RAB33A: variants seen among roughly 807,000 people sequenced by gnomAD.
RAB33A encodes RAB33A, member RAS oncogene family.
In RAB33A, 6 loss-of-function variants were observed where a neutral mutation model predicts 12.0. That is an observed-to-expected ratio of 0.50 (90% CI 0.27 to 0.99). The LOEUF (loss-of-function observed/expected upper bound fraction) is 0.99, where lower values mean the gene tolerates loss of function less well. Among genes scored for constraint, RAB33A ranks in the 50% least tolerant of loss-of-function variants. RAB33A has a pLI of 0.11. For synonymous variants in RAB33A, 70 were observed against 82.4 expected, an observed-to-expected ratio of 0.85 and a Z score of 0.81; for missense variants, 109 against 192.0, an observed-to-expected ratio of 0.57 and a Z score of 2.55.
the RAB33A span, chrX:130,148,003 A>G: frequency 1.2e-6 from 1 of 844,492 alleles, no homozygotes; most frequent in East Asian, 3.1e-5. Flanking sequence ...CATATGACCT[A>G]CGCTAATCTT....
At chrX:130,149,168 C>T in the RAB33A span, among the ~76,000 whole-genome samples, 1 of 111,281 alleles carries the variant, frequency 9.0e-6, no homozygotes, top group Non-Finnish European at 1.9e-5. Context: ...CTGACCCGCA[C>T]ATCTCGGCCT....
At chrX:130,112,504 C>T in the RAB33A span, among the ~76,000 whole-genome samples, 1 of 112,157 alleles carries the variant, frequency 8.9e-6, no homozygotes, top group Non-Finnish European at 1.9e-5. Context: ...CACTATTTAC[C>T]AGCTGTGTGA....
intron 1 of RAB33A, among the ~76,000 whole-genome samples, chrX:130,182,179 T>TATATATACACACAC (rs370694549): frequency 2.2e-4 from 16 of 72,698 alleles, no homozygotes; most frequent in Non-Finnish European, 7.1e-5. Context: ...TATATATATA[T>TATATATACACACAC]ATACACATAT....
the RAB33A span, chrX:130,140,719 G>T: frequency 1.6e-6 from 1 of 631,122 alleles, no homozygotes; most frequent in South Asian, 2.3e-5. Context: ...TTTAAAGTGT[G>T]GAATTCTGTG....
chrX:130,166,727 T>A, the RAB33A span, among the ~76,000 whole-genome samples: 1 of 112,069 alleles, frequency 8.9e-6, no homozygotes, highest in Non-Finnish European at 1.9e-5. Flanking sequence ...AAAGTACGGA[T>A]GGTCCCCGAC....
At chrX:130,120,664 C>G in the RAB33A span, among the ~76,000 whole-genome samples, 1 of 112,424 alleles carries the variant, frequency 8.9e-6, no homozygotes, top group Non-Finnish European at 1.9e-5. Flanking sequence ...CTGGGGCGCT[C>G]GGCCGCGGGG....
the RAB33A span, among the ~76,000 whole-genome samples, chrX:130,112,806 C>G: frequency 6.3e-5 from 7 of 110,959 alleles, no homozygotes; most frequent in Admixed American, 6.7e-4. Flanking sequence ...GCAGAGGTTG[C>G]AGTGAGCCGA....
the RAB33A span, among the ~76,000 whole-genome samples, chrX:130,148,669 A>G: frequency 9.3e-6 from 1 of 108,108 alleles, no homozygotes; most frequent in Middle Eastern, 4.3e-3. Flanking sequence ...CCCTGTCTCT[A>G]CTAAACATAC....
chrX:130,146,675 A>C, the RAB33A span, among the ~76,000 whole-genome samples: 1 of 110,949 alleles, frequency 9.0e-6, no homozygotes, highest in Admixed American at 9.7e-5. Flanking sequence ...ATTGAGATCT[A>C]AGTTGTCCAT....
At chrX:130,168,284 G>A (rs778407609), upstream of RAB33A, among the ~76,000 whole-genome samples, 7 of 104,219 alleles carry the variant, frequency 6.7e-5, no homozygotes, top group African/African-American at 2.5e-4. Context: ...GCAGTATCTC[G>A]GCTCACTGCA....
At position 130,172,091 on chromosome X, in the gene RAB33A, G is replaced by T. The variant is rs1367595344; in HGVS notation, c.29G>T (p.Ser10Ile). The T allele has an allele frequency of 3.3e-6, 4 of 1,210,805 alleles. No homozygotes were observed. The highest frequency in any genetic ancestry group is 1.7e-5 in the African/African-American group (1 of 57,963). Residue 10 changes from serine (S) to isoleucine (I), a missense_variant, in exon 1 of 2, where the codon AGC (serine) becomes ATC (isoleucine). Coordinates refer to ENST00000257017, the MANE Select transcript of RAB33A (RefSeq NM_004794.3). ...GCGCAGCCCATCCTGGGCCATGGGAGCCTGCAGCCCGCCTCGGCCGCTGGC... is the reference window on the plus strand; with the variant it reads ...GCGCAGCCCATCCTGGGCCATGGGATCCTGCAGCCCGCCTCGGCCGCTGGC... MAQPILGHG[S>I]LQPASAAGLA...
chrX:130,118,642 C>G, the RAB33A span, among the ~76,000 whole-genome samples: 1 of 112,199 alleles, frequency 8.9e-6, no homozygotes, highest in African/African-American at 3.2e-5. Context: ...AACAAGCTTT[C>G]CAGCCCTCTT....
At chrX:130,139,915 G>A in the RAB33A span, 1 of 1,097,552 alleles carries the variant, frequency 9.1e-7, no homozygotes, top group South Asian at 1.8e-5. Context: ...ACAAGCAGGA[G>A]CCAGCCCAAA....
At chrX:130,122,601 G>A in the RAB33A span, among the ~76,000 whole-genome samples, 2 of 112,104 alleles carry the variant, frequency 1.8e-5, no homozygotes, top group South Asian at 3.7e-4. Flanking sequence ...CTGGTCTCAA[G>A]GCTTGGGCTT....
chrX:130,137,851 T>C, the RAB33A span: 1 of 639,771 alleles, frequency 1.6e-6, no homozygotes, highest in Non-Finnish European at 1.9e-6. Flanking sequence ...TCACCTGAGG[T>C]TGGGAGTTCA....
At chrX:130,131,749 C>T in the RAB33A span, 2 of 1,211,700 alleles carry the variant, frequency 1.7e-6, no homozygotes, top group Non-Finnish European at 2.2e-6. Context: ...GGGCAAACTA[C>T]TGTCCACAAG....
At chrX:130,174,566 T>C (rs1313681082) in intron 1 of RAB33A, among the ~76,000 whole-genome samples, 1 of 112,427 alleles carries the variant, frequency 8.9e-6, no homozygotes, top group Non-Finnish European at 1.9e-5. Context: ...GCCAAAGCCA[T>C]GCTTGGAGAT....
At chrX:130,115,867 C>T in the RAB33A span, among the ~76,000 whole-genome samples, 4 of 110,884 alleles carry the variant, frequency 3.6e-5, no homozygotes, top group African/African-American at 1.3e-4. Context: ...CCTATAAAGC[C>T]AGTACTCATT....
At chrX:130,156,348 T>C in the RAB33A span, 3 of 1,058,081 alleles carry the variant, frequency 2.8e-6, no homozygotes, top group Non-Finnish European at 3.9e-6. Flanking sequence ...TTTGAAAATT[T>C]TTCCAAAAGG....
Sources: gnomAD v4.1 joint callset for allele counts (sites outside exome capture counted in the v4.1 genomes callset) on GRCh38, gnomAD v4.1.1 for gene constraint, MANE v1.5 for transcripts, NCBI Gene and HGNC (gene_info 2026-07-23, HGNC 2026-07-21) for gene names.